NRG3: variants seen among roughly 807,000 people sequenced by gnomAD.
The protein encoded by NRG3 is neuregulin 3, also known as pro-neuregulin-3, membrane-bound isoform.
NRG3 carries 31 observed loss-of-function variants against 66.9 expected under a neutral mutation model. The ratio of observed to expected loss-of-function variants is 0.46; its 90% CI spans 0.35 to 0.63. NRG3 has a LOEUF of 0.63. Ranked by LOEUF, NRG3 falls within the 20% of genes least tolerant of loss-of-function variation. The probability of loss-of-function intolerance (pLI) is 0.00; values close to 1 mark genes in which losing one functional copy is unlikely to be tolerated. For synonymous variants in NRG3, 393 were observed against 359.4 expected, an observed-to-expected ratio of 1.09 and a Z score of -1.06; for missense variants, 910 against 878.9, an observed-to-expected ratio of 1.04 and a Z score of -0.45.
At chr10:82,380,656 T>C (rs1044523215) in intron 2 of NRG3, among the ~76,000 whole-genome samples, 7 of 152,158 alleles carry the variant, frequency 4.6e-5, no homozygotes, top group Admixed American at 2.0e-4. Context: ...TGAAACAAAT[T>C]ATCTTCATAT....
intron 5 of NRG3, among the ~76,000 whole-genome samples, chr10:82,957,924 G>A (rs926298723): frequency 2.6e-5 from 4 of 151,526 alleles, no homozygotes; most frequent in African/African-American, 9.7e-5. Context: ...GTGTGTGTGA[G>A]TGTTGTGTTT....
rs1007468730 is a variant in NRG3, at chr10:81,875,969, C to A, written c.629C>A (p.Pro210His). ...AGTAGCAGCACGCTGGGCTCCCGAC[C>A]CCCGGTGCCAGGAACTCCAAGTACC... ...FFSSSTLGSR[P>H]PVPGTPSTQA... The change falls in exon 1 of 9, where the codon CCC becomes CAC. Residue 210 changes from proline (P) to histidine (H), a missense_variant. Coordinates refer to ENST00000372141, the MANE Select transcript of NRG3 (RefSeq NM_001010848.4). The surrounding 1 kb of genome is among the most constrained non-coding windows in gnomAD (Gnocchi z 5.3). 5 of 1,613,906 alleles carry A rather than the reference C, an allele frequency of 3.1e-6. No individual in the cohort carries two copies. The highest frequency in any genetic ancestry group is 4.2e-6 in the Non-Finnish European group (5 of 1,180,042).
At chr10:82,014,638 G>A (rs1045888799) in intron 1 of NRG3, among the ~76,000 whole-genome samples, 2 of 152,178 alleles carry the variant, frequency 1.3e-5, no homozygotes, top group Admixed American at 1.3e-4. Flanking sequence ...TGAAGAACGG[G>A]CATGATGTTG....
chr10:82,217,232 T>C (rs964602407), intron 1 of NRG3, among the ~76,000 whole-genome samples: 1 of 152,200 alleles, frequency 6.6e-6, no homozygotes, highest in African/African-American at 2.4e-5. Flanking sequence ...ATTTGTCATG[T>C]GTGTAATGTG....
intron 2 of NRG3, among the ~76,000 whole-genome samples, chr10:82,400,192 G>A (rs141619462): frequency 2.3e-3 from 347 of 152,164 alleles, no homozygotes; most frequent in Non-Finnish European, 3.6e-3. Flanking sequence ...GTAATAAACA[G>A]CATTGTCAGT....
chr10:82,963,352 G>C (rs1166562738), intron 6 of NRG3, among the ~76,000 whole-genome samples: 1 of 152,208 alleles, frequency 6.6e-6, no homozygotes, highest in Non-Finnish European at 1.5e-5. Context: ...GGTTTTTATA[G>C]GAAATGAAGA....
intron 2 of NRG3, among the ~76,000 whole-genome samples, chr10:82,610,175 A>T (rs977343531): frequency 2.0e-5 from 3 of 152,188 alleles, no homozygotes; most frequent in Non-Finnish European, 4.4e-5. Flanking sequence ...CAGGGCTTCA[A>T]ACCCTCCTCA....
intron 1 of NRG3, among the ~76,000 whole-genome samples, chr10:82,025,386 G>A (rs1014920299): frequency 6.6e-6 from 1 of 151,230 alleles, no homozygotes; most frequent in Non-Finnish European, 1.5e-5. Flanking sequence ...TTTTAAAAAA[G>A]TTTTAACATG....
chr10:82,447,010 A>G (rs1260415147), intron 2 of NRG3, among the ~76,000 whole-genome samples: 1 of 152,204 alleles, frequency 6.6e-6, no homozygotes, highest in Non-Finnish European at 1.5e-5. Flanking sequence ...TGCCAGAAAA[A>G]TGGATCAAGA....
intron 3 of NRG3, among the ~76,000 whole-genome samples, chr10:82,832,643 G>A (rs113713688): frequency 0.012 from 1,888 of 152,214 alleles, 35 homozygotes; most frequent in African/African-American, 0.042. Context: ...AAAAGTGTGC[G>A]ATGAGAGGGT....
chr10:82,361,949 A>G (rs1157433771), intron 2 of NRG3, among the ~76,000 whole-genome samples: 1 of 151,940 alleles, frequency 6.6e-6, no homozygotes, highest in South Asian at 2.1e-4. Context: ...TAATCCTATA[A>G]TAAACTGCAT....
At chr10:82,724,581 C>A (rs751065308) in intron 2 of NRG3, among the ~76,000 whole-genome samples, 2 of 152,126 alleles carry the variant, frequency 1.3e-5, no homozygotes, top group African/African-American at 4.8e-5. Flanking sequence ...CATGTAGAAC[C>A]TTCTATGATT....
At chr10:82,805,422 C>T (rs1369563567) in intron 3 of NRG3, among the ~76,000 whole-genome samples, 4 of 152,114 alleles carry the variant, frequency 2.6e-5, no homozygotes, top group Non-Finnish European at 5.9e-5. Flanking sequence ...CTTGTCTCTG[C>T]GTCTTTTGTC....
chr10:82,238,911 C>CGT (rs2076875782), intron 1 of NRG3, among the ~76,000 whole-genome samples: 1 of 87,884 alleles, frequency 1.1e-5, no homozygotes, highest in Admixed American at 1.1e-4. Context: ...TAGGTTATAC[C>CGT]GTATATATAT....
At chr10:82,023,345 TA>T (rs1431512280) in intron 1 of NRG3, among the ~76,000 whole-genome samples, 1 of 152,086 alleles carries the variant, frequency 6.6e-6, no homozygotes, top group East Asian at 1.9e-4. Context: ...GGGTGTCCTT[TA>T]TTTCTTTCCC....
At chr10:82,959,127 G>A in intron 6 of NRG3, 52 bp downstream of exon 6, 1 of 1,500,712 alleles carries the variant, frequency 6.7e-7, no homozygotes, top group Non-Finnish European at 8.9e-7. Flanking sequence ...AGTGCTTCCA[G>A]CTCAGAGGTG....
chr10:82,333,057 T>C (rs754367721), intron 1 of NRG3, among the ~76,000 whole-genome samples: 4 of 152,218 alleles, frequency 2.6e-5, no homozygotes, highest in Admixed American at 6.5e-5. Flanking sequence ...AGGAAAACAG[T>C]CTGTTCACAA....
chr10:82,826,845 C>A (rs1465625304), intron 3 of NRG3, among the ~76,000 whole-genome samples: 1 of 151,646 alleles, frequency 6.6e-6, no homozygotes, highest in African/African-American at 2.4e-5. Flanking sequence ...CCTTGTACAC[C>A]AAATCCCAGA....
intron 2 of NRG3, among the ~76,000 whole-genome samples, chr10:82,375,660 C>T (rs1429506500): frequency 6.6e-6 from 1 of 152,134 alleles, no homozygotes; most frequent in East Asian, 1.9e-4. Flanking sequence ...AGGGACGATT[C>T]TGATTAGTGA....
Sources: allele counts gnomAD v4.1 joint callset (sites outside exome capture counted in the v4.1 genomes callset), GRCh38; gene constraint gnomAD v4.1.1; non-coding constraint Gnocchi (gnomAD v3.1); transcripts MANE v1.5; gene names NCBI Gene and HGNC (gene_info 2026-07-23, HGNC 2026-07-21).